The following ANKHD1 variants were observed in gnomAD, a reference collection of about 807,000 sequenced individuals.
ANKHD1 encodes the protein ankyrin repeat and KH domain-containing protein 1.
A neutral mutation model predicts 230.5 loss-of-function variants in ANKHD1; 31 were observed. That is an observed-to-expected ratio of 0.13 (90% confidence interval 0.10 to 0.18). ANKHD1 has a LOEUF of 0.18. ANKHD1 is among the 10% of genes least tolerant of loss of function. ANKHD1 has a pLI of 1.00. For missense variants in ANKHD1, 2,256 were observed against 3,071.3 expected (o/e 0.73, Z 6.27); for synonymous variants, 1,074 against 1,117.6 (o/e 0.96, Z 0.78).
At chr5:140,523,624 G>A (rs1001555455) in intron 24 of ANKHD1, among the ~76,000 whole-genome samples, 15 of 149,910 alleles carry the variant, frequency 1.0e-4, no homozygotes, top group African/African-American at 3.7e-4. Context: ...GCGGTGCCAT[G>A]ATCTCGGCTC....
intron 5 of ANKHD1, among the ~76,000 whole-genome samples, 189 bp from the exon 6 acceptor site, chr5:140,445,552 GA>G (rs5871735): frequency 0.19 from 29,566 of 151,918 alleles, 3,342 homozygotes; most frequent in East Asian, 0.27. Context: ...CAATGATAAC[GA>G]AAAAAAGTTG....
At chr5:140,439,952 A>C (rs1773733612) in intron 3 of ANKHD1, among the ~76,000 whole-genome samples, 167 bp from the exon 4 acceptor site, 1 of 152,232 alleles carries the variant, frequency 6.6e-6, no homozygotes, top group Non-Finnish European at 1.5e-5. Context: ...ATAAACATGA[A>C]TAATTGAAGT....
intron 11 of ANKHD1, among the ~76,000 whole-genome samples, chr5:140,483,657 A>G (rs558956620): frequency 2.0e-5 from 3 of 151,986 alleles, no homozygotes; most frequent in African/African-American, 7.2e-5. Context: ...GGGTTTTACC[A>G]TGGTTTGCCA....
intron 14 of ANKHD1, among the ~76,000 whole-genome samples, chr5:140,492,883 T>A (rs1751869340): frequency 6.6e-6 from 1 of 152,154 alleles, no homozygotes; most frequent in Non-Finnish European, 1.5e-5. Flanking sequence ...AACTAAATAT[T>A]TGGCAAATAC....
intron 15 of ANKHD1, among the ~76,000 whole-genome samples, chr5:140,504,592 A>G (rs918478436): frequency 2.6e-5 from 4 of 152,200 alleles, no homozygotes; most frequent in Non-Finnish European, 5.9e-5. Context: ...TATTTTCGCC[A>G]TTCTACATAT....
chr5:140,402,187 G>T lies in ANKHD1; in HGVS notation c.220G>T (p.Ala74Ser). 2 of 1,524,984 alleles carry T rather than the reference G, an allele frequency of 1.3e-6. No individual in the cohort carries two copies. Among genetic ancestry groups the T allele is most frequent in the Admixed American group, 2.1e-5 (1 of 47,904 alleles). 94.5% of individuals were successfully genotyped at this position (1,524,984 alleles called of 1,614,324 possible). A position where few individuals can be genotyped will look rare whatever the true frequency, so the allele number is the denominator to read the frequency against. The change falls in exon 1 of 34, where the codon GCG becomes TCG. Residue 74 changes from alanine to serine, a missense_variant. Physicochemically the swap from Ala to Ser is moderately conservative, Grantham distance 99. Coordinates refer to ENST00000360839, the MANE Select transcript of ANKHD1 (RefSeq NM_017747.3). Reference protein sequence around the residue: ...SGSGTGGGDAALDFKLAAAVL... With the variant: ...SGSGTGGGDASLDFKLAAAVL... Reference sequence around the variant, plus strand: ...CAGCGGTACGGGCGGAGGGGACGCGGCGCTGGATTTCAAGTTGGCGGCTGC... The same window carrying T: ...CAGCGGTACGGGCGGAGGGGACGCGTCGCTGGATTTCAAGTTGGCGGCTGC...
At chr5:140,478,310 A>G (rs1370647861) in intron 10 of ANKHD1, among the ~76,000 whole-genome samples, 1 of 151,836 alleles carries the variant, frequency 6.6e-6, no homozygotes, top group Admixed American at 6.6e-5. Context: ...TGGTTTTTAA[A>G]AAAAGACTAC....
At chr5:140,415,396 G>A (rs1771282667) in intron 1 of ANKHD1, among the ~76,000 whole-genome samples, 2 of 149,736 alleles carry the variant, frequency 1.3e-5, no homozygotes, top group African/African-American at 4.9e-5. Flanking sequence ...AAAAAAAAAA[G>A]AGTTTTATAG....
intron 1 of ANKHD1, among the ~76,000 whole-genome samples, chr5:140,420,470 C>T (rs1325532759): frequency 6.6e-6 from 1 of 152,184 alleles, no homozygotes; most frequent in Non-Finnish European, 1.5e-5. Context: ...TTAGCTCTTA[C>T]ATTTAGGTCT....
intron 1 of ANKHD1, among the ~76,000 whole-genome samples, chr5:140,415,145 G>C (rs550279015): frequency 6.6e-6 from 1 of 151,936 alleles, no homozygotes; most frequent in South Asian, 2.1e-4. Flanking sequence ...GCGCTTTGGG[G>C]GGCCGAGGCG....
At position 140,496,594 on chromosome 5, in the gene ANKHD1, C is replaced by A; in HGVS notation, c.2320C>A (p.Pro774Thr). 1 of 1,612,974 alleles carries A rather than the reference C, an allele frequency of 6.2e-7. No homozygotes were observed. Among genetic ancestry groups the A allele is most frequent in the Non-Finnish European group, 8.5e-7 (1 of 1,179,854 alleles). The change falls in exon 15 of 34, where the codon CCT becomes ACT. Residue 774 changes from proline to threonine, a missense_variant. By Grantham distance (38) the Pro-to-Thr change is conservative. Coordinates refer to ENST00000360839, the MANE Select transcript of ANKHD1 (RefSeq NM_017747.3). ...DLLPSFHPYQ[P>T]LECIVEETEG... ...ACTGCCATCTTTTCACCCATACCAG[C>A]CTTTGGAGTGCATAGTAGAGGAGAC...
At chr5:140,434,208 C>T (rs1280176795) in intron 1 of ANKHD1, among the ~76,000 whole-genome samples, 1 of 151,592 alleles carries the variant, frequency 6.6e-6, no homozygotes, top group African/African-American at 2.4e-5. Context: ...TACTGTGGTC[C>T]TTTTTTTTAT....
At chr5:140,446,586 C>G (rs541247279) in intron 6 of ANKHD1, among the ~76,000 whole-genome samples, 4 of 152,214 alleles carry the variant, frequency 2.6e-5, no homozygotes, top group African/African-American at 7.2e-5. Context: ...GTCTTGAACT[C>G]CTGACCTCAA....
chr5:140,479,656 C>T (rs1581317085), intron 10 of ANKHD1, among the ~76,000 whole-genome samples: 1 of 150,308 alleles, frequency 6.7e-6, no homozygotes, highest in South Asian at 2.1e-4. Flanking sequence ...TGTATGTATT[C>T]CTGTTATACA....
At chr5:140,445,595 A>C in intron 5 of ANKHD1, 147 bp from the exon 6 acceptor site, 1 of 707,080 alleles carries the variant, frequency 1.4e-6, no homozygotes. Context: ...GTGTAAGGGA[A>C]TTGAAGAGGT....
At position 140,487,060 on chromosome 5, in the gene ANKHD1, GGTTA is replaced by G. The variant is rs781497143; in HGVS notation, c.2245+5_2245+8del. The stretch of plus-strand genomic sequence containing the variant: ...TCCTGCCCTTTTAGGAGTGCAAAAA[GGTTA>G]GTTATTGAATTATTTTTCTTAAAAT... On this transcript the variant is annotated splice_donor_variant and splice_donor_region_variant and intron_variant, in intron 14 of 33. Coordinates refer to ENST00000360839, the MANE Select transcript of ANKHD1 (RefSeq NM_017747.3). LOFTEE classifies it high-confidence loss of function. 1.1e-5 allele frequency: 17 copies of G among 1,603,982 alleles called. No homozygotes were observed. The highest frequency in any genetic ancestry group is 1.3e-5 in the Non-Finnish European group (15 of 1,176,548).
chr5:140,429,848 T>C (rs1392057033), intron 1 of ANKHD1, among the ~76,000 whole-genome samples: 1 of 152,216 alleles, frequency 6.6e-6, no homozygotes. Flanking sequence ...GAAACTGTTT[T>C]AATGTGGACG....
At chr5:140,536,373 C>T (rs1019974716) in intron 30 of ANKHD1, among the ~76,000 whole-genome samples, 6 of 152,230 alleles carry the variant, frequency 3.9e-5, no homozygotes, top group African/African-American at 9.6e-5. Flanking sequence ...GGATTACAGG[C>T]GTGAGCCACC....
intron 1 of ANKHD1, among the ~76,000 whole-genome samples, chr5:140,405,078 T>G (rs1331865332): frequency 6.6e-6 from 1 of 151,946 alleles, no homozygotes; most frequent in Non-Finnish European, 1.5e-5. Context: ...ATCCATGCCT[T>G]TTGTATTTTT....
Sources: allele counts gnomAD v4.1 joint callset (sites outside exome capture counted in the v4.1 genomes callset), GRCh38; gene constraint gnomAD v4.1.1; transcripts MANE v1.5; gene names NCBI Gene and HGNC (gene_info 2026-07-23, HGNC 2026-07-21).